NRXN3: variants seen among roughly 807,000 people sequenced by gnomAD.
The protein encoded by NRXN3 is neurexin 3, also known as neurexin III.
NRXN3 carries 32 observed loss-of-function variants against 137.6 expected under a neutral mutation model. The observed-to-expected ratio is 0.23, with a 90% CI of 0.18 to 0.31. The LOEUF (loss-of-function observed/expected upper bound fraction) is 0.31. Among genes scored for constraint, NRXN3 ranks in the 10% least tolerant of loss-of-function variants. The pLI, the probability that NRXN3 is intolerant of heterozygous loss-of-function variation, is 1.00. For missense variants in NRXN3, 1,574 were observed against 2,062.5 expected (o/e 0.76, Z 4.59); for synonymous variants, 798 against 784.5 (o/e 1.02, Z -0.29).
intron 2 of NRXN3, among the ~76,000 whole-genome samples, chr14:78,262,291 G>A (rs566278213): frequency 6.6e-6 from 1 of 152,252 alleles, no homozygotes; most frequent in East Asian, 1.9e-4. Flanking sequence ...GGACTGACTG[G>A]GGTTGGGGAA....
At chr14:78,263,916 T>C (rs887045501) in intron 2 of NRXN3, among the ~76,000 whole-genome samples, 72 of 149,846 alleles carry the variant, frequency 4.8e-4, no homozygotes, top group South Asian at 2.1e-4. Context: ...TGTGTGTGTG[T>C]GTGTGTGTGT....
chr14:78,992,197 A>T (rs1026254407), intron 15 of NRXN3, among the ~76,000 whole-genome samples: 1 of 152,176 alleles, frequency 6.6e-6, no homozygotes, highest in African/African-American at 2.4e-5. Context: ...GGCTGTTTTG[A>T]TTCTGCAATC....
At chr14:78,422,001 A>T (rs929442676) in intron 4 of NRXN3, among the ~76,000 whole-genome samples, 1 of 152,156 alleles carries the variant, frequency 6.6e-6, no homozygotes, top group Non-Finnish European at 1.5e-5. Flanking sequence ...TGCTCCGTTT[A>T]TTAGTTGGCT....
At chr14:79,508,255 G>A (rs10144362) in intron 16 of NRXN3, among the ~76,000 whole-genome samples, 77,269 of 151,744 alleles carry the variant, frequency 0.51, 21,532 homozygotes, top group African/African-American at 0.76. Context: ...TGTATCTTCA[G>A]TAAATGATAA....
chr14:79,054,266 A>T (rs1306517181), intron 15 of NRXN3, among the ~76,000 whole-genome samples: 2 of 152,024 alleles, frequency 1.3e-5, no homozygotes, highest in Non-Finnish European at 2.9e-5. Flanking sequence ...CATATGTAAG[A>T]AACCTGCACG....
chr14:78,404,199 A>G (rs1314549234), intron 4 of NRXN3, among the ~76,000 whole-genome samples: 3 of 92,730 alleles, frequency 3.2e-5, no homozygotes, highest in African/African-American at 1.3e-4. Context: ...GATGTTCCCT[A>G]TTTTCCTTTT....
Position 78,966,171 on chromosome 14 carries a change from T to C in NRXN3, c.2542T>C (p.Leu848=). ...GTTTAATGGCCTTCTCTACATTGAC[T>C]TGTGCAAAAATGGTGACATTGATTA... The part of the protein sequence containing the change: ...LMFNGLLYID[L]CKNGDIDYCE... The change falls in exon 12 of 21, where the codon TTG becomes CTG. Residue 848 remains leucine (L), a synonymous_variant. Coordinates refer to ENST00000335750, the MANE Select transcript of NRXN3 (RefSeq NM_001330195.2). The C allele has an allele frequency of 6.2e-7, 1 of 1,614,192 alleles. No individual in the cohort carries two copies. Among genetic ancestry groups the C allele is most frequent in the Non-Finnish European group, 8.5e-7 (1 of 1,180,026 alleles).
At chr14:78,861,937 G>A (rs1241300220) in intron 10 of NRXN3, among the ~76,000 whole-genome samples, 3 of 152,042 alleles carry the variant, frequency 2.0e-5, no homozygotes, top group Non-Finnish European at 1.5e-5. Context: ...TATTTAGTTA[G>A]CAATGTTTTT....
chr14:78,497,178 T>C (rs1361846276), intron 4 of NRXN3, among the ~76,000 whole-genome samples: 1 of 152,074 alleles, frequency 6.6e-6, no homozygotes, highest in African/African-American at 2.4e-5. Context: ...CATGGAAAAA[T>C]GCAAGGGTAT....
chr14:79,032,681 T>C (rs183075537), intron 15 of NRXN3, among the ~76,000 whole-genome samples: 16 of 152,332 alleles, frequency 1.1e-4, no homozygotes, highest in Non-Finnish European at 8.8e-5. Flanking sequence ...CTTGCAGCTA[T>C]TTAGTTAGTT....
chr14:78,542,303 T>G (rs572019644), intron 4 of NRXN3, among the ~76,000 whole-genome samples: 9 of 152,188 alleles, frequency 5.9e-5, no homozygotes, highest in African/African-American at 2.2e-4. Flanking sequence ...AGAGGTGGAG[T>G]CTAGAGGCAG....
At chr14:79,364,409 G>A (rs1341518175) in intron 15 of NRXN3, among the ~76,000 whole-genome samples, 4 of 152,078 alleles carry the variant, frequency 2.6e-5, no homozygotes, top group Admixed American at 2.0e-4. Flanking sequence ...CATTCACTTC[G>A]AAGTATGGGA....
intron 15 of NRXN3, among the ~76,000 whole-genome samples, chr14:79,066,630 T>G (rs2099681109): frequency 6.6e-6 from 1 of 151,468 alleles, no homozygotes; most frequent in Admixed American, 6.6e-5. Context: ...TTTTATCCTC[T>G]CTGATTTCTC....
intron 15 of NRXN3, among the ~76,000 whole-genome samples, chr14:79,327,773 G>T (rs2091108669): frequency 6.6e-6 from 1 of 152,150 alleles, no homozygotes; most frequent in South Asian, 2.1e-4. Context: ...ATACTTGGAG[G>T]AGGACAGTAT....
chr14:78,243,914 C>A lies in NRXN3; in HGVS notation c.709+112C>A. 2.6e-6 allele frequency: 2 copies of A among 771,392 alleles called. No homozygotes were observed. The highest frequency in any genetic ancestry group is 2.1e-6 in the Non-Finnish European group (1 of 483,602). The allele number at this position is 771,392 out of a possible 1,614,324, so 47.8% of individuals were successfully genotyped here. ...GCATATCTTTAGCTGCATGTTAGAT[C>A]ACTGGGCCCCTTGCCCTAAGGAGGC... On this transcript the variant is annotated intron_variant, in intron 2 of 20. Coordinates refer to ENST00000335750, the MANE Select transcript of NRXN3 (RefSeq NM_001330195.2). This position sits in a 1 kb window ranked among gnomAD's most constrained non-coding sequence, Gnocchi z 4.2.
chr14:79,450,863 C>G (rs1244914597), intron 15 of NRXN3, among the ~76,000 whole-genome samples: 2 of 147,418 alleles, frequency 1.4e-5, no homozygotes, highest in Non-Finnish European at 3.0e-5. Context: ...GAGACTCTGT[C>G]TCAAAAAAAA....
intron 16 of NRXN3, among the ~76,000 whole-genome samples, chr14:79,602,100 C>G (rs1309297186): frequency 6.6e-6 from 1 of 152,190 alleles, no homozygotes; most frequent in Non-Finnish European, 1.5e-5. Context: ...TAAGATATTA[C>G]ATACCTACTG....
intron 15 of NRXN3, among the ~76,000 whole-genome samples, chr14:79,344,537 A>G (rs903911219): frequency 6.6e-6 from 1 of 152,238 alleles, no homozygotes; most frequent in Admixed American, 6.5e-5. Flanking sequence ...AGATTAAAAT[A>G]TCTTTTTCTT....
chr14:78,461,879 T>TA (rs1388134764), intron 4 of NRXN3, among the ~76,000 whole-genome samples: 2 of 152,310 alleles, frequency 1.3e-5, no homozygotes, highest in Non-Finnish European at 2.9e-5. Flanking sequence ...ATTTCCTAAA[T>TA]AAAATGTATG....
Sources: allele counts gnomAD v4.1 joint callset (sites outside exome capture counted in the v4.1 genomes callset), GRCh38; gene constraint gnomAD v4.1.1; non-coding constraint Gnocchi (gnomAD v3.1); transcripts MANE v1.5; gene names NCBI Gene and HGNC (gene_info 2026-07-23, HGNC 2026-07-21).